MALRD1: variants seen among roughly 807,000 people sequenced by gnomAD.
The protein encoded by MALRD1 is MAM and LDL-receptor class A domain-containing protein 1.
In MALRD1, 247 loss-of-function variants were observed where a neutral mutation model predicts 242.1. That is an observed-to-expected ratio of 1.02 (90% CI 0.92 to 1.13). The LOEUF is 1.13. Among genes scored for constraint, MALRD1 ranks in the 50% most tolerant of loss-of-function variants. The pLI is 0.00. For synonymous variants in MALRD1, 995 were observed against 866.6 expected, an observed-to-expected ratio of 1.15 and a Z score of -2.60; for missense variants, 2,989 against 2,533.1, an observed-to-expected ratio of 1.18 and a Z score of -3.86.
At chr10:19,235,578 CAGAGAGAGAGAGAGAG>C (rs34117417) in intron 18 of MALRD1, among the ~76,000 whole-genome samples, 11 of 132,396 alleles carry the variant, frequency 8.3e-5, no homozygotes, top group Admixed American at 2.3e-4. Context: ...CCCACACCCA[CAGAGAGAGAGAGAGAG>C]AGAGAGAGAG....
chr10:19,484,912 T>A (rs564586483), intron 29 of MALRD1, among the ~76,000 whole-genome samples: 1 of 152,198 alleles, frequency 6.6e-6, no homozygotes, highest in African/African-American at 2.4e-5. Flanking sequence ...TGCAAAGATA[T>A]GGAATCAACC....
intron 23 of MALRD1, among the ~76,000 whole-genome samples, chr10:19,329,523 T>G (rs770617239): frequency 1.9e-4 from 29 of 152,122 alleles, no homozygotes; most frequent in Non-Finnish European, 4.1e-4. Flanking sequence ...TTTTAAAATA[T>G]TTACTCATTT....
intron 14 of MALRD1, among the ~76,000 whole-genome samples, chr10:19,176,054 C>T (rs1417304738): frequency 6.6e-6 from 1 of 152,130 alleles, no homozygotes; most frequent in African/African-American, 2.4e-5. Flanking sequence ...TCTGACCACT[C>T]CTACCCTCAG....
chr10:19,717,894 G>A (rs1834462777), intron 38 of MALRD1, among the ~76,000 whole-genome samples: 2 of 151,978 alleles, frequency 1.3e-5, no homozygotes, highest in East Asian at 3.9e-4. Context: ...GTGCACACTT[G>A]TAATTTCAGC....
chr10:19,136,887 G>C, intron 10 of MALRD1, 106 bp downstream of exon 10: 1 of 693,422 alleles, frequency 1.4e-6, no homozygotes, highest in Non-Finnish European at 2.0e-6. Flanking sequence ...TCATATGTAT[G>C]AAATGTGATA....
At chr10:19,053,478 T>A (rs192554015) in intron 1 of MALRD1, among the ~76,000 whole-genome samples, 2 of 152,130 alleles carry the variant, frequency 1.3e-5, no homozygotes, top group African/African-American at 4.8e-5. Flanking sequence ...ATCCCCGAAA[T>A]TGGCGGGCTT....
chr10:19,223,245 G>A (rs1837641763), intron 18 of MALRD1, among the ~76,000 whole-genome samples: 1 of 152,050 alleles, frequency 6.6e-6, no homozygotes, highest in South Asian at 2.1e-4. Context: ...AATGTTCCTG[G>A]TGGTAACAAA....
intron 36 of MALRD1, among the ~76,000 whole-genome samples, chr10:19,669,499 G>A (rs567137669): frequency 3.9e-5 from 6 of 152,228 alleles, no homozygotes; most frequent in Non-Finnish European, 5.9e-5. Context: ...AAGGGACAGG[G>A]AGTTTTGGAA....
rs79274976 is a variant in MALRD1 at position 19,105,413 on chromosome 10, C to G, written c.694+1338C>G. On this transcript the variant is annotated intron_variant, in intron 5 of 39. Transcript: ENST00000454679. ...ACCACATTTTCTTTATCCATTTGTC[C>G]ATTGATGGACACTTAGGTTGATTTC... Among the ~76,000 whole-genome samples the G allele has an allele frequency of 2.7e-3, 412 of 151,986 alleles. 1 individual carries two copies. The highest frequency in any genetic ancestry group is 9.5e-3 in the African/African-American group (395 of 41,510).
Position 19,209,502 on chromosome 10 carries a change from C to G in MALRD1, c.2813C>G (p.Thr938Arg), listed in dbSNP as rs1402859590. The G allele has an allele frequency of 6.4e-7, 1 of 1,550,714 alleles. No homozygotes were observed. Among genetic ancestry groups the G allele is most frequent in the Non-Finnish European group, 8.7e-7 (1 of 1,147,022 alleles). Residue 938 changes from threonine (T) to arginine (R), a missense_variant, in exon 18 of 40, where the codon ACA becomes AGA. Thr to Arg is a moderately conservative substitution (Grantham distance 71). Transcript: ENST00000454679. ...LLSPILNATDTKGCTFRFYYH... is the reference protein window; with the variant it reads ...LLSPILNATDRKGCTFRFYYH... ...AGCCCAATCCTTAATGCCACTGATA[C>G]AAAAGGCTGCACCTTCCGCTTCTAT...
chr10:19,249,450 G>A (rs1839209382), intron 18 of MALRD1, among the ~76,000 whole-genome samples: 1 of 151,706 alleles, frequency 6.6e-6, no homozygotes, highest in South Asian at 2.1e-4. Context: ...TAAAACAGAT[G>A]GGATATAGCA....
intron 28 of MALRD1, among the ~76,000 whole-genome samples, chr10:19,391,628 C>A (rs749099190): frequency 2.6e-5 from 4 of 152,208 alleles, no homozygotes; most frequent in Non-Finnish European, 5.9e-5. Context: ...GCTTTTCCCT[C>A]CACACCGAGT....
intron 38 of MALRD1, among the ~76,000 whole-genome samples, chr10:19,718,104 A>G (rs1329761386): frequency 1.1e-5 from 1 of 91,590 alleles, no homozygotes; most frequent in Non-Finnish European, 2.2e-5. Flanking sequence ...AAGAAGAGGA[A>G]GAGGAAGAAG....
At chr10:19,671,941 A>AT (rs932280823) in intron 36 of MALRD1, among the ~76,000 whole-genome samples, 2 of 150,688 alleles carry the variant, frequency 1.3e-5, no homozygotes, top group Admixed American at 6.6e-5. Flanking sequence ...TTTTTTTTTC[A>AT]TTTTTTCTTT....
chr10:19,210,795 TC>T (rs1238560626), intron 18 of MALRD1, among the ~76,000 whole-genome samples: 1 of 152,098 alleles, frequency 6.6e-6, no homozygotes, highest in African/African-American at 2.4e-5. Flanking sequence ...TGAGAACGAA[TC>T]CCCCATCTAT....
intron 24 of MALRD1, among the ~76,000 whole-genome samples, chr10:19,344,729 G>GGA (rs1844034665): frequency 1.3e-5 from 2 of 149,492 alleles, no homozygotes; most frequent in Admixed American, 1.3e-4. Flanking sequence ...TTGGGGGGGG[G>GGA]GAGTCATATT....
At position 19,082,401 on chromosome 10, in the gene MALRD1, A is replaced by G. The variant is rs528104860; in HGVS notation, c.341-5439A>G. On this transcript the variant is annotated intron_variant, in intron 2 of 39. Transcript: ENST00000454679. The stretch of plus-strand genomic sequence containing the variant: ...TATTATTGATTTTTATCAGTTATAT[A>G]ATTGATTATAATAATTATTGATTAT... 1.2e-4 allele frequency among the ~76,000 whole-genome samples: 18 copies of G among 150,204 alleles called. No individual in the cohort carries two copies. In the South Asian group the frequency reaches 3.4e-3, roughly 28 times the overall value.
rs190202876 is a variant in MALRD1, at chr10:19,693,838, A to G, written c.6314+1284A>G. On this transcript the variant is annotated intron_variant, in intron 38 of 39. Transcript: ENST00000454679. ...TGACTTCAAACTATATTACAAGGCTATAGTGACCAAAACAGCATGGTACTG... is the reference window on the plus strand; with the variant it reads ...TGACTTCAAACTATATTACAAGGCTGTAGTGACCAAAACAGCATGGTACTG... Among the ~76,000 whole-genome samples the G allele has an allele frequency of 2.6e-4, 40 of 152,354 alleles. No individual in the cohort carries two copies. The East Asian group carries it at 3.7e-3, about 14-fold the overall frequency.
chr10:19,235,446 T>C (rs758593548), intron 18 of MALRD1, among the ~76,000 whole-genome samples: 4 of 145,440 alleles, frequency 2.8e-5, no homozygotes, highest in Non-Finnish European at 6.0e-5. Flanking sequence ...TCATGTCCTT[T>C]GCCCATTTTT....
Sources: gnomAD v4.1 joint callset for allele counts (sites outside exome capture counted in the v4.1 genomes callset) on GRCh38, gnomAD v4.1.1 for gene constraint, MANE v1.5 for transcripts, NCBI Gene and HGNC (gene_info 2026-07-23, HGNC 2026-07-21) for gene names.